The following KAZN variants were observed in gnomAD, a reference collection of about 807,000 sequenced individuals.
KAZN encodes the protein kazrin, periplakin interacting protein.
Under a neutral mutation model 87.4 loss-of-function variants are expected in KAZN, and 40 were observed. That is an observed-to-expected ratio of 0.46 (90% CI 0.36 to 0.60). The LOEUF is 0.60. KAZN is among the 20% of genes least tolerant of loss of function. The pLI is 0.00. For missense variants in KAZN, 898 were observed against 1,073.9 expected (o/e 0.84, Z 2.29); for synonymous variants, 466 against 458.3 (o/e 1.02, Z -0.22).
At position 14,849,511 on chromosome 1, in the gene KAZN, G is replaced by A. The variant is rs578023198; in HGVS notation, c.227-111173G>A. 3.3e-5 allele frequency among the ~76,000 whole-genome samples: 5 copies of A among 152,310 alleles called. No individual in the cohort carries two copies. In the East Asian group the frequency reaches 9.6e-4, roughly 29 times the overall value. On this transcript the variant is annotated intron_variant, in intron 1 of 14. Transcript: ENST00000376030. ...TCTATAAAGTCATGCACCTAGAATA[G>A]CAGGGCTTATGGGAATAGGGTTGGG... is the stretch of plus-strand genomic sequence containing the variant.
At chr1:14,154,269 G>C (rs550849261) in intron 1 of KAZN, among the ~76,000 whole-genome samples, 3 of 151,948 alleles carry the variant, frequency 2.0e-5, no homozygotes, top group African/African-American at 7.2e-5. Flanking sequence ...TTATAAATGG[G>C]ATTTTTAAAA....
At chr1:14,936,966 C>T (rs1660531911) in intron 1 of KAZN, among the ~76,000 whole-genome samples, 1 of 152,204 alleles carries the variant, frequency 6.6e-6, no homozygotes, top group African/African-American at 2.4e-5. Context: ...TCATTCCTAC[C>T]CTTCACCTTG....
chr1:15,031,010 G>A (rs1332554253), intron 2 of KAZN, among the ~76,000 whole-genome samples: 1 of 152,234 alleles, frequency 6.6e-6, no homozygotes, highest in Non-Finnish European at 1.5e-5. Flanking sequence ...AGATCCCTCA[G>A]TCCTTAGGCC....
intron 1 of KAZN, among the ~76,000 whole-genome samples, chr1:14,726,258 T>G (rs1216129688): frequency 6.6e-6 from 1 of 152,180 alleles, no homozygotes; most frequent in Non-Finnish European, 1.5e-5. Flanking sequence ...AGACAGCTGG[T>G]GCTTGGGAGA....
intron 1 of KAZN, among the ~76,000 whole-genome samples, chr1:14,957,031 G>A (rs190431829): frequency 2.0e-5 from 3 of 152,140 alleles, no homozygotes; most frequent in African/African-American, 7.2e-5. Context: ...GTGTCCGAGT[G>A]CTCTGAGCAG....
At chr1:14,548,472 T>C (rs1212728119) in intron 2 of KAZN, among the ~76,000 whole-genome samples, 1 of 152,190 alleles carries the variant, frequency 6.6e-6, no homozygotes, top group Non-Finnish European at 1.5e-5. Context: ...GTGCTGCGAT[T>C]ACAGGCGTGA....
chr1:14,855,544 G>C (rs781519671), intron 1 of KAZN, among the ~76,000 whole-genome samples: 2 of 152,196 alleles, frequency 1.3e-5, no homozygotes, highest in Non-Finnish European at 2.9e-5. Context: ...TCGGGTCACT[G>C]ATGTGATCAT....
At chr1:14,963,472 G>T (rs562575608) in intron 2 of KAZN, among the ~76,000 whole-genome samples, 2 of 152,262 alleles carry the variant, frequency 1.3e-5, no homozygotes, top group South Asian at 2.1e-4. Context: ...GGGTATGGTC[G>T]CAGGGAAGGA....
At chr1:14,063,981 A>G (rs1049401187) in intron 1 of KAZN, among the ~76,000 whole-genome samples, 3 of 151,228 alleles carry the variant, frequency 2.0e-5, no homozygotes, top group African/African-American at 7.3e-5. Flanking sequence ...CAATGGTGTG[A>G]TCTCGGCTCA....
chr1:14,247,559 G>T (rs1222675060), intron 2 of KAZN, among the ~76,000 whole-genome samples: 1 of 152,172 alleles, frequency 6.6e-6, no homozygotes, highest in African/African-American at 2.4e-5. Context: ...GAGGATGATG[G>T]CTTCCAGCTT....
At chr1:14,085,419 C>T (rs532727571) in intron 1 of KAZN, among the ~76,000 whole-genome samples, 2 of 152,272 alleles carry the variant, frequency 1.3e-5, no homozygotes, top group Admixed American at 1.3e-4. Context: ...CCCTTTACAG[C>T]GGATCCCTTC....
intron 1 of KAZN, among the ~76,000 whole-genome samples, chr1:14,948,902 A>G (rs1198093618): frequency 6.6e-6 from 1 of 152,136 alleles, no homozygotes; most frequent in African/African-American, 2.4e-5. Flanking sequence ...CATGCCTGTA[A>G]TCCCAGCACT....
intron 2 of KAZN, among the ~76,000 whole-genome samples, chr1:14,537,604 A>G (rs531682568): frequency 1.3e-5 from 2 of 152,134 alleles, no homozygotes; most frequent in African/African-American, 2.4e-5. Context: ...TCCAAGCCTC[A>G]GTTCCTACAG....
At chr1:14,721,574 T>C (rs1251285705) in intron 1 of KAZN, among the ~76,000 whole-genome samples, 2 of 152,190 alleles carry the variant, frequency 1.3e-5, no homozygotes, top group African/African-American at 4.8e-5. Context: ...CTGGTTGTGT[T>C]GAGTATTTAC....
intron 1 of KAZN, among the ~76,000 whole-genome samples, chr1:14,825,302 C>T (rs1646851883): frequency 6.6e-6 from 1 of 152,252 alleles, no homozygotes; most frequent in African/African-American, 2.4e-5. Flanking sequence ...GAAGCTGTCT[C>T]TCCAGGCCAG....
At chr1:14,089,138 G>C (rs893113273) in intron 1 of KAZN, among the ~76,000 whole-genome samples, 14 of 151,922 alleles carry the variant, frequency 9.2e-5, no homozygotes, top group African/African-American at 3.4e-4. Flanking sequence ...CACCAAAATG[G>C]ATGCTGTATC....
In KAZN at chr1:14,301,445, T is replaced by G. The variant is rs896650770; in HGVS notation, c.249+120853T>G. ...GCATGATGGGATTGACTTTGGCTGC[T>G]CTCAAAGGCAAGCCACCGGGGTAGT... On this transcript the variant is annotated intron_variant, in intron 2 of 16. Transcript: ENST00000636203. Among the ~76,000 whole-genome samples, 8 of 152,254 alleles carry G rather than the reference T, an allele frequency of 5.3e-5. No homozygotes were observed. In the East Asian group the frequency reaches 1.4e-3, roughly 26 times the overall value.
At chr1:14,197,288 A>G (rs1231495946) in intron 2 of KAZN, among the ~76,000 whole-genome samples, 4 of 151,290 alleles carry the variant, frequency 2.6e-5, no homozygotes, top group Non-Finnish European at 5.9e-5. Context: ...AGGAGATAAG[A>G]CAGTGCCTGC....
chr1:14,128,938 A>G (rs914439789), intron 1 of KAZN, among the ~76,000 whole-genome samples: 1 of 152,156 alleles, frequency 6.6e-6, no homozygotes, highest in Admixed American at 6.5e-5. Context: ...GAGAGATATG[A>G]ATTGCCTTAA....
Sources: allele counts gnomAD v4.1 joint callset (sites outside exome capture counted in the v4.1 genomes callset), GRCh38; gene constraint gnomAD v4.1.1; transcripts MANE v1.5; gene names NCBI Gene and HGNC (gene_info 2026-07-23, HGNC 2026-07-21).